Variants in CLK2 observed in about 807,000 individuals in gnomAD.
CLK2 encodes CDC like kinase 2.
In CLK2, 12 loss-of-function variants were observed where a neutral mutation model predicts 73.5. That is an observed-to-expected ratio of 0.16 (90% CI 0.10 to 0.26). The LOEUF (loss-of-function observed/expected upper bound fraction) is 0.26, where lower values mean the gene tolerates loss of function less well. CLK2 is among the 10% of genes least tolerant of loss of function. The pLI, the probability that CLK2 is intolerant of heterozygous loss-of-function variation, is 1.00. For missense variants in CLK2, 509 were observed against 688.4 expected (o/e 0.74, Z 2.92); for synonymous variants, 232 against 237.9 (o/e 0.98, Z 0.23).
intron 6 of CLK2, 63 bp downstream of exon 6, chr1:155,267,947 G>T: frequency 8.9e-7 from 1 of 1,124,472 alleles, no homozygotes; most frequent in Non-Finnish European, 1.4e-6. Context: ...ACCAGGTCTA[G>T]AAGTCTCTCC....
chr1:155,266,048 G>T, intron 7 of CLK2, 94 bp from the exon 8 acceptor site: 1 of 811,756 alleles, frequency 1.2e-6, no homozygotes, highest in Non-Finnish European at 2.2e-6. Context: ...GGCAAAGCCA[G>T]TGAGGAGACA....
chr1:155,271,513 C>G (rs1430824844), intron 1 of CLK2, among the ~76,000 whole-genome samples: 3 of 152,138 alleles, frequency 2.0e-5, no homozygotes, highest in Non-Finnish European at 4.4e-5. Context: ...CGTGAGCCAC[C>G]GCACCCAGCC....
intron 7 of CLK2, among the ~76,000 whole-genome samples, 189 bp from the exon 8 acceptor site, chr1:155,266,143 T>A (rs1331462513): frequency 6.7e-6 from 1 of 149,774 alleles, no homozygotes; most frequent in Non-Finnish European, 1.5e-5. Flanking sequence ...TAATGTAAGA[T>A]ACATATGTAG....
intron 6 of CLK2, among the ~76,000 whole-genome samples, chr1:155,267,192 A>G (rs1036607336): frequency 5.3e-5 from 8 of 152,202 alleles, no homozygotes; most frequent in Non-Finnish European, 7.4e-5. Flanking sequence ...CCTCCTGTTC[A>G]AGCGATTCTC....
Position 155,263,278 on chromosome 1 carries a change from G to A in CLK2, c.1440C>T (p.Ala480=). The A allele has an allele frequency of 6.2e-7, 1 of 1,614,174 alleles. No individual in the cohort carries two copies. Among genetic ancestry groups the A allele is most frequent in the Non-Finnish European group, 8.5e-7 (1 of 1,180,036 alleles). The change falls in exon 13 of 13, where the codon GCC becomes GCT. Residue 480 remains alanine (A), a synonymous_variant. Transcript: ENST00000368361. The part of the protein sequence containing the change: ...LGEALQHPFF[A]RLRAEPPNKL... ...TGTTGGGCGGCTCAGCCCGAAGGCGGGCGAAGAAAGGATGCTGAAGGGCTT... is the reference window on the plus strand; with the variant it reads ...TGTTGGGCGGCTCAGCCCGAAGGCGAGCGAAGAAAGGATGCTGAAGGGCTT...
Position 155,268,500 on chromosome 1 carries a change from A to C in CLK2, c.488-141T>G. On this transcript the variant is annotated intron_variant, in intron 4 of 12. Coordinates refer to ENST00000368361, the MANE Select transcript of CLK2 (RefSeq NM_001294338.2). This position sits in a 1 kb window ranked among gnomAD's most constrained non-coding sequence, Gnocchi z 5.6. ...ATACAGATGGTCACAGGGGAAGAAA[A>C]CCCCTGCGTGATTCCCACCACCTTT... 1.3e-6 allele frequency: 1 copy of C among 782,290 alleles called. No homozygotes were observed. The highest frequency in any genetic ancestry group is 2.2e-6 in the Non-Finnish European group (1 of 460,826). The allele number at this position is 782,290 out of a possible 1,614,324, so 48.5% of individuals were successfully genotyped here.
At chr1:155,263,876 T>C (rs996629259) in intron 12 of CLK2, 74 bp downstream of exon 12, 399 of 1,470,134 alleles carry the variant, frequency 2.7e-4, no homozygotes, top group Admixed American at 2.1e-4. Context: ...TGAAGAGCAT[T>C]CCAGGGGGCA....
Position 155,263,222 on chromosome 1 carries a change from C to T in CLK2, c.1496G>A (p.Arg499Gln). The T allele has an allele frequency of 1.2e-6, 2 of 1,612,778 alleles. No homozygotes were observed. The highest frequency in any genetic ancestry group is 1.7e-6 in the Non-Finnish European group (2 of 1,179,586). The change falls in exon 13 of 13, where the codon CGG (arginine) becomes CAG (glutamine). Residue 499 changes from arginine to glutamine, a missense_variant. Arg to Gln is a conservative substitution (Grantham distance 43). This residue lies in a region of CLK2 where 134 missense variants were observed against 146.0 expected (regional missense o/e 0.92). Coordinates refer to ENST00000368361, the MANE Select transcript of CLK2 (RefSeq NM_001294338.2). ...KLWDSSRDIS[R>Q] Reference sequence around the variant, plus strand: ...GGGGGGCCCAGGGCCTGATCGTCACCGACTGATATCCCGACTGGAGTCCCA... The same window carrying T: ...GGGGGGCCCAGGGCCTGATCGTCACTGACTGATATCCCGACTGGAGTCCCA...
At chr1:155,264,142 A>G in intron 11 of CLK2, 79 bp downstream of exon 11, 8 of 1,583,718 alleles carry the variant, frequency 5.1e-6, no homozygotes, top group Non-Finnish European at 6.1e-6. Flanking sequence ...GTATCAAAGA[A>G]AAAAGAAAAT....
chr1:155,263,858 T>C, intron 12 of CLK2, 92 bp downstream of exon 12: 1 of 1,405,590 alleles, frequency 7.1e-7, no homozygotes, highest in Non-Finnish European at 9.9e-7. Context: ...TTCCTAACCC[T>C]CTGCTTGTGA....
intron 10 of CLK2, 79 bp downstream of exon 10, chr1:155,264,389 G>C: frequency 6.3e-7 from 1 of 1,599,928 alleles, no homozygotes; most frequent in Non-Finnish European, 8.6e-7. Context: ...GGAGAACTGA[G>C]TAGGCAGGTC....
In CLK2 at chr1:155,268,507, C is replaced by T. The variant is rs537743283; in HGVS notation, c.488-148G>A. On this transcript the variant is annotated intron_variant, in intron 4 of 12. Transcript: ENST00000368361. This position sits in a 1 kb window ranked among gnomAD's most constrained non-coding sequence, Gnocchi z 5.6. ...TGGTCACAGGGGAAGAAAACCCCTG[C>T]GTGATTCCCACCACCTTTAACCCAG... 127 of 774,850 alleles carry T rather than the reference C, an allele frequency of 1.6e-4. No homozygotes were observed. Among genetic ancestry groups the T allele is most frequent in the African/African-American group, 1.4e-3 (81 of 58,396 alleles). 48.0% of individuals were successfully genotyped at this position (774,850 alleles called of 1,614,324 possible). A position where few individuals can be genotyped will look rare whatever the true frequency, so the allele number is the denominator to read the frequency against.
Position 155,269,524 on chromosome 1 carries a change from C to G in CLK2, c.363G>C (p.Arg121=). Residue 121 remains arginine (R), a synonymous_variant, in exon 3 of 13, where the codon CGG becomes CGC. Coordinates refer to ENST00000368361, the MANE Select transcript of CLK2 (RefSeq NM_001294338.2). The stretch of plus-strand genomic sequence containing the variant: ...GGCTAAATGTCCGGCTGCGCCTCCT[C>G]CGCCGTCTGTGCTTCCTCCGGCTGC... ...QRSSRRKHRR[R]RRRSRTFSRS... The G allele has an allele frequency of 1.2e-6, 2 of 1,614,062 alleles. No individual in the cohort carries two copies. Among genetic ancestry groups the G allele is most frequent in the Non-Finnish European group, 1.7e-6 (2 of 1,180,048 alleles).
In CLK2 at chr1:155,264,205, C is replaced by T; in HGVS notation, c.1226+16G>A. 1 of 1,612,752 alleles carries T rather than the reference C, an allele frequency of 6.2e-7. No individual in the cohort carries two copies. On this transcript the variant is annotated intron_variant, in intron 11 of 12. Transcript: ENST00000368361. Reference sequence around the variant, plus strand: ...AGAAAAGGAAAAGAGTTAACTAGTGCCCCCTCAAGGTTCACCTTGTCTTTC... The same window carrying T: ...AGAAAAGGAAAAGAGTTAACTAGTGTCCCCTCAAGGTTCACCTTGTCTTTC...
At chr1:155,271,093 TA>T in intron 1 of CLK2, 116 bp from the exon 2 acceptor site, 1 of 1,054,600 alleles carries the variant, frequency 9.5e-7, no homozygotes, top group Non-Finnish European at 1.4e-6. Context: ...TGCCTCTTTT[TA>T]CCAGGCACAA....
At chr1:155,267,297 T>C (rs181594356) in intron 6 of CLK2, among the ~76,000 whole-genome samples, 4 of 152,230 alleles carry the variant, frequency 2.6e-5, no homozygotes, top group Non-Finnish European at 2.9e-5. Flanking sequence ...TTCACCATAT[T>C]GGCCAGGCTG....
intron 6 of CLK2, 74 bp from the exon 7 acceptor site, chr1:155,266,969 T>C: frequency 6.6e-7 from 1 of 1,521,864 alleles, no homozygotes; most frequent in Non-Finnish European, 8.9e-7. Context: ...AACAAGGAGG[T>C]ACTTCATAGC....
rs368845441 is a variant in CLK2, at chr1:155,263,167, G to C, written c.*51C>G. ...TGTATAAAAAAGCACCAGTGTCCTG[G>C]ACTGGACACCCACTGCTATAAAAGA... On this transcript the variant is annotated 3_prime_UTR_variant, in exon 13 of 13. Coordinates refer to ENST00000368361, the MANE Select transcript of CLK2 (RefSeq NM_001294338.2). 1.2e-5 allele frequency: 19 copies of C among 1,551,664 alleles called. No homozygotes were observed. Among genetic ancestry groups the C allele is most frequent in the Non-Finnish European group, 1.5e-5 (17 of 1,145,188 alleles).
Position 155,264,059 on chromosome 1 carries a change from T to A in CLK2, c.1227-19A>T. The A allele has an allele frequency of 3.1e-6, 5 of 1,603,628 alleles. No individual in the cohort carries two copies. The highest frequency in any genetic ancestry group is 4.3e-6 in the Non-Finnish European group (5 of 1,170,808). On this transcript the variant is annotated intron_variant, in intron 11 of 12. Transcript: ENST00000368361. The stretch of plus-strand genomic sequence containing the variant: ...CTGCTTTCTAGAGGGGAAGGGGAGG[T>A]TGAGGAATCAGAAGGTCACCCTTGT...
Sources: gnomAD v4.1 joint callset for allele counts (sites outside exome capture counted in the v4.1 genomes callset) on GRCh38, gnomAD v4.1.1 for gene constraint, gnomAD v4.1.1 regional missense constraint, Gnocchi (gnomAD v3.1) non-coding constraint, MANE v1.5 for transcripts, NCBI Gene and HGNC (gene_info 2026-07-23, HGNC 2026-07-21) for gene names.